Variants in ODF2 observed in about 807,000 individuals in gnomAD.
ODF2 encodes the protein outer dense fiber protein 2.
Under a neutral mutation model 110.2 loss-of-function variants are expected in ODF2, and 47 were observed. The observed-to-expected ratio is 0.43, with a 90% confidence interval of 0.34 to 0.54. ODF2 has a LOEUF of 0.54. Among genes scored for constraint, ODF2 ranks in the 20% least tolerant of loss-of-function variants. The pLI, the probability that ODF2 is intolerant of heterozygous loss-of-function variation, is 0.03. For synonymous variants in ODF2, 352 were observed against 397.7 expected, an observed-to-expected ratio of 0.89 and a Z score of 1.37; for missense variants, 812 against 1,054.5, an observed-to-expected ratio of 0.77 and a Z score of 3.19.
At chr9:128,500,319 A>G in exon 21 of ODF2, 1 of 1,531,328 alleles carries the variant, frequency 6.5e-7, no homozygotes, top group Non-Finnish European at 9.0e-7. Flanking sequence ...GCCAAGCCAT[A>G]GCTGAGAAGC....
intron 13 of ODF2, 38 bp from the exon 14 acceptor site, chr9:128,487,852 T>C (rs1193531319): frequency 6.2e-7 from 1 of 1,610,662 alleles, no homozygotes; most frequent in South Asian, 1.1e-5. Flanking sequence ...CCTGTGTAAT[T>C]GATTCTCTCT....
intron 1 of ODF2, 55 bp downstream of exon 1, chr9:128,456,310 A>G: frequency 6.7e-7 from 1 of 1,488,286 alleles, no homozygotes; most frequent in Non-Finnish European, 8.9e-7. Context: ...CGCGGGCGAG[A>G]CCGTCGCCTT....
At chr9:128,463,722 A>C (rs2131548620) in intron 4 of ODF2, among the ~76,000 whole-genome samples, 1 of 152,384 alleles carries the variant, frequency 6.6e-6, no homozygotes, top group Non-Finnish European at 1.5e-5. Flanking sequence ...ATATGTTTGT[A>C]TGTGCAGAAC....
At chr9:128,467,056 T>TAG (rs1838383451) in intron 4 of ODF2, among the ~76,000 whole-genome samples, 1 of 89,998 alleles carries the variant, frequency 1.1e-5, no homozygotes, top group Non-Finnish European at 2.1e-5. Context: ...TATATATATA[T>TAG]AGTCATATAT....
At chr9:128,456,977 C>T in intron 1 of ODF2, 1 of 1,238,856 alleles carries the variant, frequency 8.1e-7, no homozygotes, top group Non-Finnish European at 1.0e-6. Flanking sequence ...GCTCCCTGCG[C>T]GGTTCTGGCC....
chr9:128,467,999 A>G (rs1237981123), intron 4 of ODF2, among the ~76,000 whole-genome samples: 4 of 151,902 alleles, frequency 2.6e-5, no homozygotes, highest in African/African-American at 9.7e-5. Context: ...CTGGCCCTAA[A>G]ATATTTTTTA....
chr9:128,459,766 T>C, intron 3 of ODF2, 109 bp downstream of exon 2: 1 of 751,062 alleles, frequency 1.3e-6, no homozygotes, highest in Non-Finnish European at 2.3e-6. Flanking sequence ...CGCCGCCCAG[T>C]TGCTCTGCTA....
intron 8 of ODF2, among the ~76,000 whole-genome samples, chr9:128,478,338 C>T (rs1437707000): frequency 6.6e-6 from 1 of 152,156 alleles, no homozygotes; most frequent in Non-Finnish European, 1.5e-5. Flanking sequence ...CGGCTCACGC[C>T]TGTGATCCTA....
intron 6 of ODF2, among the ~76,000 whole-genome samples, chr9:128,472,330 C>T (rs1840236097): frequency 6.6e-6 from 1 of 152,158 alleles, no homozygotes; most frequent in Non-Finnish European, 1.5e-5. Flanking sequence ...GCCTCAGCCT[C>T]CCAAGTAACT....
At chr9:128,456,349 G>A in intron 1 of ODF2, 94 bp downstream of exon 1, 1 of 1,437,904 alleles carries the variant, frequency 7.0e-7, no homozygotes, top group Non-Finnish European at 9.0e-7. Flanking sequence ...GACCCCGCGG[G>A]GCCGTCGGGT....
At chr9:128,481,211 C>A (rs1842329719) in intron 8 of ODF2, among the ~76,000 whole-genome samples, 1 of 152,104 alleles carries the variant, frequency 6.6e-6, no homozygotes, top group Admixed American at 6.6e-5. Context: ...TGGCTCACAC[C>A]TGTAATCCCA....
chr9:128,496,731 TATCTATCTATC>T (rs577461160), intron 18 of ODF2, among the ~76,000 whole-genome samples: 4 of 151,980 alleles, frequency 2.6e-5, no homozygotes, highest in African/African-American at 7.2e-5. Context: ...TCTATCTATC[TATCTATCTATC>T]ATCTATCTAT....
chr9:128,460,831 G>A (rs114425802), intron 3 of ODF2, 111 bp from the exon 4 acceptor site: 1 of 1,527,986 alleles, frequency 6.5e-7, no homozygotes, highest in African/African-American at 1.4e-5. Flanking sequence ...AGGAGCAACA[G>A]CAGTAACATT....
intron 8 of ODF2, among the ~76,000 whole-genome samples, chr9:128,475,642 ACTT>A (rs1363139635): frequency 6.7e-6 from 1 of 150,148 alleles, no homozygotes; most frequent in Non-Finnish European, 1.5e-5. Context: ...TGTGAGTTCG[ACTT>A]CTTTTTTTTT....
chr9:128,472,040 G>T (rs1282011098), intron 6 of ODF2, among the ~76,000 whole-genome samples: 2 of 152,136 alleles, frequency 1.3e-5, no homozygotes, highest in Admixed American at 1.3e-4. Flanking sequence ...CCAGCCCTTT[G>T]GGAGCCAAGG....
At chr9:128,481,540 T>C (rs751311052) in intron 8 of ODF2, 40 bp from the exon 9 acceptor site, 1 of 1,503,808 alleles carries the variant, frequency 6.6e-7, no homozygotes, top group South Asian at 1.2e-5. Context: ...CTGGGTTTAT[T>C]GCTTAATGAC....
At position 128,456,269 on chromosome 9, in the gene ODF2, G is replaced by C. The variant is rs1204424949; in HGVS notation, c.-209+14G>C. ...GTGTCGCTCCTGGTGAGAGGCCGCC[G>C]GCAGGCGGGATCCAGCGCCCTCCGG... On this transcript the variant is annotated intron_variant, in intron 1 of 20. Transcript: ENST00000604420. 2 of 1,530,344 alleles carry C rather than the reference G, an allele frequency of 1.3e-6. No homozygotes were observed. The highest frequency in any genetic ancestry group is 2.1e-5 in the Admixed American group (1 of 47,534). 94.8% of individuals were successfully genotyped at this position (1,530,344 alleles called of 1,614,324 possible). A position where few individuals can be genotyped will look rare whatever the true frequency, so the allele number is the denominator to read the frequency against.
At chr9:128,492,390 C>T (rs1408622193) in intron 14 of ODF2, 36 bp from the exon 15 acceptor site, 6 of 1,443,506 alleles carry the variant, frequency 4.2e-6, no homozygotes, top group Non-Finnish European at 4.9e-6. Context: ...TGAAGCAGAA[C>T]CTTCCTGTGG....
chr9:128,456,458 G>GCGCC, intron 1 of ODF2: 1 of 1,517,650 alleles, frequency 6.6e-7, no homozygotes, highest in Non-Finnish European at 8.8e-7. Flanking sequence ...CCGCTAACGG[G>GCGCC]CGGTCGGCCG....
Sources: allele counts gnomAD v4.1 joint callset (sites outside exome capture counted in the v4.1 genomes callset), GRCh38; gene constraint gnomAD v4.1.1; transcripts MANE v1.5; gene names NCBI Gene and HGNC (gene_info 2026-07-23, HGNC 2026-07-21).